ZDHHC11B: variants seen among roughly 807,000 people sequenced by gnomAD.
The protein encoded by ZDHHC11B is zDHHC palmitoyltransferase 11B (putative), also known as probable palmitoyltransferase ZDHHC11B.
In ZDHHC11B, 17 loss-of-function variants were observed where a neutral mutation model predicts 42.3. That is an observed-to-expected ratio of 0.40 (90% CI 0.27 to 0.60). The LOEUF is 0.60. Ranked by LOEUF, ZDHHC11B falls within the 20% of genes least tolerant of loss-of-function variation. The pLI is 0.41. For synonymous variants in ZDHHC11B, 123 were observed against 193.5 expected, an observed-to-expected ratio of 0.64 and a Z score of 3.02; for missense variants, 262 against 463.2, an observed-to-expected ratio of 0.57 and a Z score of 3.99.
At chr5:753,784 C>T (rs1394283216) in intron 6 of ZDHHC11B, among the ~76,000 whole-genome samples, 1 of 146,750 alleles carries the variant, frequency 6.8e-6, no homozygotes, top group African/African-American at 2.5e-5. Flanking sequence ...ACATGCTGTG[C>T]TCCAGACGGG....
At chr5:774,333 T>G (rs1736288354) in intron 1 of ZDHHC11B, among the ~76,000 whole-genome samples, 1 of 152,172 alleles carries the variant, frequency 6.6e-6, no homozygotes, top group Non-Finnish European at 1.5e-5. Context: ...GTCCAGGGGC[T>G]GGAAACCCGG....
At chr5:777,782 C>T (rs893951974) in intron 1 of ZDHHC11B, among the ~76,000 whole-genome samples, 2 of 151,882 alleles carry the variant, frequency 1.3e-5, no homozygotes, top group African/African-American at 2.4e-5. Flanking sequence ...GATCCTGAGC[C>T]CCGCAGCAGG....
chr5:774,558 C>T (rs1736310922), intron 1 of ZDHHC11B, among the ~76,000 whole-genome samples: 1 of 152,174 alleles, frequency 6.6e-6, no homozygotes, highest in African/African-American at 2.4e-5. Flanking sequence ...AGCCTGGAGC[C>T]TGTAACTACG....
At chr5:717,592 G>T (rs550023871) in intron 12 of ZDHHC11B, among the ~76,000 whole-genome samples, 39 of 151,814 alleles carry the variant, frequency 2.6e-4, no homozygotes, top group African/African-American at 8.5e-4. Flanking sequence ...TCCCTTCTCT[G>T]ATCCAATCCT....
At chr5:716,451 A>T (rs2126950927) in intron 13 of ZDHHC11B, among the ~76,000 whole-genome samples, 1 of 151,982 alleles carries the variant, frequency 6.6e-6, no homozygotes, top group South Asian at 2.1e-4. Flanking sequence ...AACCATCTTA[A>T]AATGGCAGGT....
At position 730,464 on chromosome 5, in the gene ZDHHC11B, G is replaced by A; in HGVS notation, c.1028C>T (p.Ala343Val). ...NQDGDSKAQE[A>V]DDAPSTSTLG... ...TGTAGATGTACTCGGGGCATCATCT[G>A]CTTCCTGTGGGGGGAAGGGAAGCAA... Residue 343 changes from alanine (A) to valine (V), a missense_variant, in exon 12 of 14, where the codon GCA becomes GTA. This residue lies in a region of ZDHHC11B where 75 missense variants were observed against 70.1 expected (regional missense o/e 1.07). Transcript: ENST00000508859. 2 of 1,560,460 alleles carry A rather than the reference G, an allele frequency of 1.3e-6. No homozygotes were observed. The highest frequency in any genetic ancestry group is 2.1e-5 in the Admixed American group (1 of 47,158).
At chr5:773,783 C>A (rs1256371694) in intron 1 of ZDHHC11B, among the ~76,000 whole-genome samples, 1 of 151,792 alleles carries the variant, frequency 6.6e-6, no homozygotes, top group Non-Finnish European at 1.5e-5. Flanking sequence ...GCGCCCCAAC[C>A]CCCAGGGCCA....
intron 4 of ZDHHC11B, among the ~76,000 whole-genome samples, chr5:763,969 G>A (rs1734955640): frequency 6.6e-6 from 1 of 151,880 alleles, no homozygotes; most frequent in African/African-American, 2.4e-5. Flanking sequence ...CCGCTTGACT[G>A]TACTCTCTAC....
In ZDHHC11B at chr5:736,783, G is replaced by C. The variant is rs1010564421; in HGVS notation, c.936-2944C>G. On this transcript the variant is annotated intron_variant, in intron 10 of 13. Transcript: ENST00000508859. Reference sequence around the variant, plus strand: ...TCTTCAAACTGAATAACTGTGGCATGACTTATCAAAACCTCAAGGACACAG... The same window carrying C: ...TCTTCAAACTGAATAACTGTGGCATCACTTATCAAAACCTCAAGGACACAG... Among the ~76,000 whole-genome samples, 4 of 127,914 alleles carry C rather than the reference G, an allele frequency of 3.1e-5. No homozygotes were observed. The Admixed American group carries it at 3.6e-4, about 11-fold the overall frequency. 83.9% of individuals were successfully genotyped at this position (127,914 alleles called of 152,430 possible). A position where few individuals can be genotyped will look rare whatever the true frequency, so the allele number is the denominator to read the frequency against.
chr5:764,862 G>A (rs1215759378), intron 4 of ZDHHC11B, among the ~76,000 whole-genome samples: 1 of 151,344 alleles, frequency 6.6e-6, no homozygotes, highest in African/African-American at 2.4e-5. Flanking sequence ...GTCTAGCTAA[G>A]GGACTGTAAA....
At chr5:760,545 C>A in intron 4 of ZDHHC11B, among the ~76,000 whole-genome samples, 1 of 151,710 alleles carries the variant, frequency 6.6e-6, no homozygotes, top group East Asian at 1.9e-4. Context: ...TGCAGGCACC[C>A]GGTTTTTGGT....
intron 1 of ZDHHC11B, among the ~76,000 whole-genome samples, chr5:770,843 G>A (rs1428007949): frequency 3.3e-5 from 5 of 151,912 alleles, no homozygotes; most frequent in East Asian, 1.9e-4. Context: ...TAAGGCGCCC[G>A]CCCCCAGAGC....
intron 11 of ZDHHC11B, chr5:732,802 T>A (rs1190548870): frequency 7.6e-6 from 2 of 264,030 alleles, no homozygotes; most frequent in Non-Finnish European, 1.5e-5. Context: ...GGCTCACGCC[T>A]CTAATTCCCC....
chr5:727,214 G>A (rs1373038361), intron 12 of ZDHHC11B, among the ~76,000 whole-genome samples: 12 of 133,526 alleles, frequency 9.0e-5, no homozygotes, highest in African/African-American at 3.2e-4. Context: ...GAACTCTGGC[G>A]CTGCCCCCAG....
intron 11 of ZDHHC11B, among the ~76,000 whole-genome samples, chr5:731,468 C>A (rs1743013091): frequency 6.7e-6 from 1 of 150,082 alleles, no homozygotes; most frequent in East Asian, 1.9e-4. Context: ...TCCCTGGTGG[C>A]AAATGATGTT....
intron 1 of ZDHHC11B, among the ~76,000 whole-genome samples, chr5:770,058 G>A (rs1332757121): frequency 6.6e-6 from 1 of 151,750 alleles, no homozygotes; most frequent in Admixed American, 6.6e-5. Context: ...GGGGTCCCCC[G>A]GGGACTTGGG....
chr5:728,284 T>C (rs1236189203), intron 12 of ZDHHC11B, among the ~76,000 whole-genome samples: 1 of 151,968 alleles, frequency 6.6e-6, no homozygotes, highest in Non-Finnish European at 1.5e-5. Context: ...TTGAAGGAAA[T>C]TTGCATTGTT....
chr5:741,962 G>A (rs1404111775), intron 9 of ZDHHC11B, among the ~76,000 whole-genome samples: 1 of 132,816 alleles, frequency 7.5e-6, no homozygotes, highest in African/African-American at 2.8e-5. Flanking sequence ...GCCCTCGGTG[G>A]TGTCTGTCTT....
chr5:719,603 C>T (rs1478478936), intron 12 of ZDHHC11B, among the ~76,000 whole-genome samples: 10 of 149,598 alleles, frequency 6.7e-5, no homozygotes, highest in South Asian at 2.1e-4. Context: ...TGAAGACAAC[C>T]GAAATTATCC....
Sources: allele counts gnomAD v4.1 joint callset (sites outside exome capture counted in the v4.1 genomes callset), GRCh38; gene constraint gnomAD v4.1.1; regional missense constraint gnomAD v4.1.1; transcripts MANE v1.5; gene names NCBI Gene and HGNC (gene_info 2026-07-23, HGNC 2026-07-21).